Variants in GDAP1 observed in about 807,000 individuals in gnomAD.
The protein encoded by GDAP1 is ganglioside induced differentiation associated protein 1, also known as ganglioside-induced differentiation-associated protein 1.
Under a neutral mutation model 40.1 loss-of-function variants are expected in GDAP1, and 34 were observed. That is an observed-to-expected ratio of 0.85 (90% CI 0.64 to 1.13). The LOEUF is 1.13. Ranked by LOEUF, GDAP1 falls within the 50% of genes most tolerant of loss-of-function variation. The pLI is 0.00. For synonymous variants in GDAP1, 170 were observed against 157.4 expected, an observed-to-expected ratio of 1.08 and a Z score of -0.60; for missense variants, 374 against 433.7, an observed-to-expected ratio of 0.86 and a Z score of 1.22.
chr8:74,374,204 T>G (rs1214812740), intron 2 of GDAP1, among the ~76,000 whole-genome samples: 2 of 152,188 alleles, frequency 1.3e-5, no homozygotes. Context: ...TCAGGGATAT[T>G]GGTCTAACAT....
intron 2 of GDAP1, among the ~76,000 whole-genome samples, chr8:74,417,777 AAAG>A (rs1486482697): frequency 1.2e-5 from 1 of 84,608 alleles, no homozygotes; most frequent in African/African-American, 3.2e-5. Flanking sequence ...AAAAAAAAAA[AAAG>A]GAAAAGAAAA....
chr8:74,368,769 A>G (rs1364751810), downstream of GDAP1, among the ~76,000 whole-genome samples: 3 of 152,182 alleles, frequency 2.0e-5, no homozygotes, highest in Admixed American at 1.3e-4. Flanking sequence ...TCTTGGCCCT[A>G]TTGATATTGT....
chr8:74,425,183 A>G (rs920156836), intron 2 of GDAP1, among the ~76,000 whole-genome samples: 38 of 152,208 alleles, frequency 2.5e-4, no homozygotes, highest in African/African-American at 8.4e-4. Context: ...AAACAAATTG[A>G]ACAACACATT....
intron 2 of GDAP1, among the ~76,000 whole-genome samples, chr8:74,428,119 G>C (rs77669879): frequency 0.027 from 4,139 of 152,184 alleles, 189 homozygotes; most frequent in African/African-American, 0.095. Context: ...GAAGTTGGGA[G>C]CAGTGGCTCA....
At chr8:74,476,102 C>A (rs1199395353) in intron 2 of GDAP1, among the ~76,000 whole-genome samples, 2 of 152,072 alleles carry the variant, frequency 1.3e-5, no homozygotes, top group African/African-American at 2.4e-5. Context: ...AGGATTGCAA[C>A]CCCTTTATTA....
At chr8:74,428,870 C>CCCCCCCCCT (rs1805989524) in intron 2 of GDAP1, among the ~76,000 whole-genome samples, 1 of 142,518 alleles carries the variant, frequency 7.0e-6, no homozygotes, top group African/African-American at 2.7e-5. Context: ...CCGCCTCCCC[C>CCCCCCCCCT]GACCCCACAA....
At position 74,365,030 on chromosome 8, in the gene GDAP1, T is replaced by C. The variant is rs886063107; in HGVS notation, c.*663T>C. The stretch of plus-strand genomic sequence containing the variant: ...GGTAATGGTTCCTTACTGTTTTAGA[T>C]GGTGCCTGTGAGATACCATTCCTCT... On this transcript the variant is annotated 3_prime_UTR_variant, in exon 6 of 6. Transcript: ENST00000220822. 2.4e-5 allele frequency: 11 copies of C among 453,968 alleles called. No homozygotes were observed. Among genetic ancestry groups the C allele is most frequent in the Non-Finnish European group, 4.0e-5 (9 of 226,786 alleles). The allele number at this position is 453,968 out of a possible 1,614,324, so 28.1% of individuals were successfully genotyped here.
At chr8:74,354,995 G>A (rs10504577) in intron 2 of GDAP1, among the ~76,000 whole-genome samples, 28,460 of 152,072 alleles carry the variant, frequency 0.19, 2,932 homozygotes, top group Admixed American at 0.31. Flanking sequence ...GGGATTATGC[G>A]AAAAACGATG....
chr8:74,381,083 AGT>A (rs35444187), intron 2 of GDAP1, among the ~76,000 whole-genome samples: 1 of 150,710 alleles, frequency 6.6e-6, no homozygotes, highest in African/African-American at 2.4e-5. Flanking sequence ...ATGTTATTTG[AGT>A]GTGTGTGTGT....
At chr8:74,371,067 T>C (rs1727854807), downstream of GDAP1, among the ~76,000 whole-genome samples, 1 of 152,224 alleles carries the variant, frequency 6.6e-6, no homozygotes, top group South Asian at 2.1e-4. Flanking sequence ...AATTGGGATA[T>C]AGAAGATCTG....
chr8:74,366,835 C>T lies in GDAP1; in HGVS notation c.*2468C>T, dbSNP rs1435180921. 2 of 439,986 alleles carry T rather than the reference C, an allele frequency of 4.5e-6. No homozygotes were observed. The highest frequency in any genetic ancestry group is 2.5e-5 in the Admixed American group (1 of 39,566). The allele number at this position is 439,986 out of a possible 1,614,324, so 27.3% of individuals were successfully genotyped here. ...AGACCAAGACACTATTCTGTAAGAT[C>T]AATAAAAGTAATTGGAAAATAAATA... On this transcript the variant is annotated 3_prime_UTR_variant, in exon 6 of 6. Transcript: ENST00000220822.
At chr8:74,384,186 T>C (rs1333841776) in intron 2 of GDAP1, among the ~76,000 whole-genome samples, 2 of 152,152 alleles carry the variant, frequency 1.3e-5, no homozygotes, top group African/African-American at 4.8e-5. Context: ...AAGTTAACAC[T>C]TTCTTCCCCG....
At chr8:74,444,584 T>C (rs1806206138) in intron 2 of GDAP1, among the ~76,000 whole-genome samples, 1 of 152,292 alleles carries the variant, frequency 6.6e-6, no homozygotes, top group South Asian at 2.1e-4. Context: ...TTGGTCACAT[T>C]TGTTTCAATT....
At chr8:74,415,031 A>T (rs1805761248) in intron 2 of GDAP1, among the ~76,000 whole-genome samples, 1 of 150,302 alleles carries the variant, frequency 6.7e-6, no homozygotes, top group African/African-American at 2.5e-5. Context: ...GTACACTTCT[A>T]GATTGCTCAA....
At chr8:74,385,168 A>G (rs1175230259) in intron 2 of GDAP1, among the ~76,000 whole-genome samples, 1 of 151,918 alleles carries the variant, frequency 6.6e-6, no homozygotes, top group African/African-American at 2.4e-5. Flanking sequence ...GATAGGTGGT[A>G]TATAGATCTT....
chr8:74,402,556 A>C (rs1196247589), intron 2 of GDAP1, among the ~76,000 whole-genome samples: 1 of 150,030 alleles, frequency 6.7e-6, no homozygotes, highest in Non-Finnish European at 1.5e-5. Context: ...GGTGCGCTGC[A>C]CCCACTGTCC....
At chr8:74,403,458 C>T (rs1439149664) in intron 2 of GDAP1, among the ~76,000 whole-genome samples, 3 of 150,164 alleles carry the variant, frequency 2.0e-5, no homozygotes, top group Non-Finnish European at 2.9e-5. Flanking sequence ...TCTCAGTTTA[C>T]CCGTTCTACA....
At chr8:74,476,929 TA>T (rs75130574) in intron 2 of GDAP1, among the ~76,000 whole-genome samples, 50,014 of 152,036 alleles carry the variant, frequency 0.33, 9,418 homozygotes, top group Non-Finnish European at 0.41. Context: ...AAATGAGTCA[TA>T]AATTTGGTCT....
chr8:74,362,592 C>T (rs1446649545), intron 4 of GDAP1, among the ~76,000 whole-genome samples: 1 of 152,168 alleles, frequency 6.6e-6, no homozygotes, highest in Admixed American at 6.5e-5. Context: ...CCTGACCCTT[C>T]AGCTACTCTT....
Sources: allele counts gnomAD v4.1 joint callset (sites outside exome capture counted in the v4.1 genomes callset), GRCh38; gene constraint gnomAD v4.1.1; transcripts MANE v1.5; gene names NCBI Gene and HGNC (gene_info 2026-07-23, HGNC 2026-07-21).